The following TMPRSS2 variants were observed in gnomAD, a reference collection of about 807,000 sequenced individuals.
TMPRSS2 encodes transmembrane serine protease 2, also known as transmembrane protease serine 2.
A neutral mutation model predicts 67.4 loss-of-function variants in TMPRSS2; 59 were observed. The observed-to-expected ratio is 0.88, with a 90% confidence interval of 0.71 to 1.09. TMPRSS2 has a LOEUF of 1.09. TMPRSS2 is among the 50% of genes least tolerant of loss of function. TMPRSS2 has a pLI of 0.00. For synonymous variants in TMPRSS2, 257 were observed against 257.0 expected, an observed-to-expected ratio of 1.00 and a Z score of 0.00; for missense variants, 668 against 642.7, an observed-to-expected ratio of 1.04 and a Z score of -0.43.
rs112247445 is a variant in TMPRSS2, at chr21:41,479,330, C to T, written c.573-48G>A. On this transcript the variant is annotated intron_variant, in intron 6 of 13. Transcript: ENST00000332149. ...TGATAATGGTTAAGGCATAAGCAAA[C>T]ACAAATCCTATACTATGTCATAATA... 3.0e-5 allele frequency: 43 copies of T among 1,412,036 alleles called. No individual in the cohort carries two copies. The Middle Eastern group carries it at 8.9e-4, about 29-fold the overall frequency. The allele number at this position is 1,412,036 out of a possible 1,614,324, so 87.5% of individuals were successfully genotyped here.
In TMPRSS2 at chr21:41,470,119, C is replaced by G. The variant is rs139432971; in HGVS notation, c.1171+529G>C. On this transcript the variant is annotated intron_variant, in intron 11 of 13. Transcript: ENST00000332149. ...GAACCTTTGTGCCTGCCACTAAGCA[C>G]TTCCAACCCTCCATAAAAATGAAGC... 2.8e-3 allele frequency among the ~76,000 whole-genome samples: 423 copies of G among 152,340 alleles called. 3 individuals carry two copies. Among genetic ancestry groups the G allele is most frequent in the African/African-American group, 9.7e-3 (405 of 41,582 alleles).
chr21:41,467,849 T>C lies in TMPRSS2; in HGVS notation c.1352A>G (p.Asn451Ser). Residue 451 changes from asparagine to serine, a missense_variant, in exon 13 of 14, where the codon AAT (asparagine) becomes AGT (serine). Coordinates refer to ENST00000332149, the MANE Select transcript of TMPRSS2 (RefSeq NM_005656.4). Reference sequence around the variant, plus strand: ...TGTATCCCCTATCAGCCACCAGATATTGTTCTTCGAAGTGACCAGAGGCCC... The same window carrying C: ...TGTATCCCCTATCAGCCACCAGATACTGTTCTTCGAAGTGACCAGAGGCCC... ...SGGPLVTSKN[N>S]IWWLIGDTSW... 1.2e-6 allele frequency: 2 copies of C among 1,614,162 alleles called. No individual in the cohort carries two copies. Among genetic ancestry groups the C allele is most frequent in the Non-Finnish European group, 1.7e-6 (2 of 1,180,032 alleles).
At position 41,473,449 on chromosome 21, in the gene TMPRSS2, C is replaced by A. The variant is rs537370123; in HGVS notation, c.775G>T (p.Gly259Cys). ...CAGGCCCCCGGGAGCGCGCTCTCGC[C>A]GCCCACAATCCTGCTCTGGCGGCTT... ...NSSRQSRIVGGESALPGAWPW... is the reference protein window; with the variant it reads ...NSSRQSRIVGCESALPGAWPW... Residue 259 changes from glycine to cysteine, a missense_variant, in exon 9 of 14, where the codon GGC (glycine) becomes TGC (cysteine). Coordinates refer to ENST00000332149, the MANE Select transcript of TMPRSS2 (RefSeq NM_005656.4). 2 of 1,609,984 alleles carry A rather than the reference C, an allele frequency of 1.2e-6. No homozygotes were observed. The highest frequency in any genetic ancestry group is 1.7e-6 in the Non-Finnish European group (2 of 1,178,928).
At chr21:41,485,505 C>G (rs573121598) in intron 5 of TMPRSS2, among the ~76,000 whole-genome samples, 6 of 151,966 alleles carry the variant, frequency 3.9e-5, no homozygotes, top group African/African-American at 1.4e-4. Flanking sequence ...AAAAATTAGC[C>G]AGGTGTGGTG....
chr21:41,470,140 G>T (rs1332444352), intron 11 of TMPRSS2, among the ~76,000 whole-genome samples: 4 of 152,182 alleles, frequency 2.6e-5, no homozygotes, highest in African/African-American at 9.7e-5. Flanking sequence ...CCATAAAAAT[G>T]AAGCAGCCAG....
At chr21:41,508,048 C>G in intron 1 of TMPRSS2, 33 bp downstream of exon 1, 3 of 1,297,902 alleles carry the variant, frequency 2.3e-6, no homozygotes, top group Non-Finnish European at 2.9e-6. Flanking sequence ...AGCCCGGACC[C>G]CGAGCCGGGA....
intron 1 of TMPRSS2, among the ~76,000 whole-genome samples, chr21:41,501,730 G>A (rs1039019977): frequency 5.9e-5 from 9 of 151,788 alleles, no homozygotes; most frequent in African/African-American, 1.9e-4. Context: ...CTGCTGTCCC[G>A]AAAAGACCAG....
chr21:41,468,297 AC>A, intron 12 of TMPRSS2, 98 bp downstream of exon 12: 6 of 1,489,404 alleles, frequency 4.0e-6, no homozygotes, highest in South Asian at 3.8e-5. Flanking sequence ...GCTCCGTGTC[AC>A]TGAGGAGGCT....
At chr21:41,468,609 CCT>C in intron 11 of TMPRSS2, 71 bp from the exon 12 acceptor site, 1 of 1,558,472 alleles carries the variant, frequency 6.4e-7, no homozygotes, top group Non-Finnish European at 8.8e-7. Context: ...CACTTCCCTC[CCT>C]GAGACCTCCA....
At chr21:41,480,169 G>A (rs2091245648) in intron 6 of TMPRSS2, among the ~76,000 whole-genome samples, 1 of 152,134 alleles carries the variant, frequency 6.6e-6, no homozygotes, top group African/African-American at 2.4e-5. Flanking sequence ...CTTGGAAAAA[G>A]AGGCACCTAA....
intron 13 of TMPRSS2, among the ~76,000 whole-genome samples, chr21:41,466,465 C>T (rs1275185468): frequency 6.6e-6 from 1 of 152,226 alleles, no homozygotes; most frequent in African/African-American, 2.4e-5. Flanking sequence ...TGCGGACCCA[C>T]CTGCAGCCGC....
At chr21:41,505,457 G>T (rs2091451468) in intron 1 of TMPRSS2, among the ~76,000 whole-genome samples, 1 of 152,184 alleles carries the variant, frequency 6.6e-6, no homozygotes, top group Non-Finnish European at 1.5e-5. Context: ...GTGGTTACTG[G>T]CATAAGGTAC....
chr21:41,482,545 C>T (rs2091264375), intron 5 of TMPRSS2, among the ~76,000 whole-genome samples: 1 of 152,226 alleles, frequency 6.6e-6, no homozygotes, highest in Non-Finnish European at 1.5e-5. Flanking sequence ...TGGCTATGCT[C>T]TAGCCTCTCT....
intron 5 of TMPRSS2, chr21:41,487,483 G>C (rs181051004): frequency 6.6e-6 from 1 of 152,310 alleles, no homozygotes; most frequent in East Asian, 1.9e-4. Flanking sequence ...ACATCATAGT[G>C]ACTGCAGTTA....
At chr21:41,498,057 G>A (rs2091397485) in intron 2 of TMPRSS2, 62 bp downstream of exon 2, 1 of 1,295,102 alleles carries the variant, frequency 7.7e-7, no homozygotes, top group African/African-American at 1.5e-5. Flanking sequence ...AACAATGTTG[G>A]GAATAACAGA....
rs779200981 is a variant in TMPRSS2, at chr21:41,480,599, C to T, written c.449G>A (p.Arg150His). The T allele has an allele frequency of 3.7e-6, 6 of 1,613,554 alleles. No individual in the cohort carries two copies. The highest frequency in any genetic ancestry group is 4.5e-5 in the East Asian group (2 of 44,870). The stretch of plus-strand genomic sequence containing the variant: ...AAGGATGAAGTTTGGTCCGTAGAGG[C>T]GAACTGCACGAGAGGGAGGATTATC... ...PGGEDENRCV[R>H]LYGPNFILQV... The change falls in exon 6 of 14, where the codon CGC becomes CAC. Residue 150 changes from arginine to histidine, a missense_variant. Physicochemically the swap from Arg to His is conservative, Grantham distance 29. Transcript: ENST00000332149.
intron 6 of TMPRSS2, among the ~76,000 whole-genome samples, chr21:41,480,118 C>CCT (rs2091245251): frequency 6.6e-6 from 1 of 152,212 alleles, no homozygotes; most frequent in Non-Finnish European, 1.5e-5. Context: ...TCTGGTCCAA[C>CCT]CTCTACCCAG....
intron 2 of TMPRSS2, among the ~76,000 whole-genome samples, chr21:41,495,161 A>G (rs1291282791): frequency 6.6e-6 from 1 of 152,112 alleles, no homozygotes; most frequent in Non-Finnish European, 1.5e-5. Context: ...ATTTAGAATA[A>G]AAACTAACCA....
intron 1 of TMPRSS2, among the ~76,000 whole-genome samples, chr21:41,503,688 G>A (rs900595301): frequency 2.0e-5 from 3 of 152,154 alleles, no homozygotes; most frequent in African/African-American, 7.2e-5. Flanking sequence ...ACCTTAGAAT[G>A]TACCGAATTC....
Sources: allele counts gnomAD v4.1 joint callset (sites outside exome capture counted in the v4.1 genomes callset), GRCh38; gene constraint gnomAD v4.1.1; transcripts MANE v1.5; gene names NCBI Gene and HGNC (gene_info 2026-07-23, HGNC 2026-07-21).